YWHAZ: variants seen among roughly 807,000 people sequenced by gnomAD.
The protein encoded by YWHAZ is 14-3-3 protein zeta/delta.
For synonymous variants in YWHAZ, 87 were observed against 103.6 expected (o/e 0.84, Z 0.97); for missense variants, 79 against 284.8 (o/e 0.28, Z 5.20).
At chr8:100,949,050 A>C in intron 1 of YWHAZ, 150 bp from the exon 2 acceptor site, 1 of 1,014,464 alleles carries the variant, frequency 9.9e-7, no homozygotes, top group Non-Finnish European at 1.4e-6. Context: ...CAGCCTCACA[A>C]AAGGATAGTC....
chr8:100,934,300 T>C (rs926161636), intron 2 of YWHAZ, among the ~76,000 whole-genome samples: 15 of 146,166 alleles, frequency 1.0e-4, no homozygotes, highest in African/African-American at 3.8e-4. Context: ...CACTCCAGCA[T>C]GGGGGACAGA....
In YWHAZ at chr8:100,948,223, AAAGT is replaced by A; in HGVS notation, c.294+369_294+372del. 1 of 1,248,236 alleles carries A rather than the reference AAAGT, an allele frequency of 8.0e-7. No individual in the cohort carries two copies. Among genetic ancestry groups the A allele is most frequent in the East Asian group, 2.6e-5 (1 of 38,640 alleles). 77.3% of individuals were successfully genotyped at this position (1,248,236 alleles called of 1,614,324 possible). On this transcript the variant is annotated intron_variant, in intron 2 of 5. Transcript: ENST00000395958. The surrounding 1 kb of genome is among the most constrained non-coding windows in gnomAD (Gnocchi z 4.2). ...GTATCCTATTACATCTCTCTTACCTAAAGTATGTAAAATTCCTTTATCCACAGAT... is the reference window on the plus strand; with the variant it reads ...GTATCCTATTACATCTCTCTTACCTAATGTAAAATTCCTTTATCCACAGAT...
In YWHAZ at chr8:100,924,173, G is replaced by A. The variant is rs753712920; in HGVS notation, c.544C>T (p.Leu182=). The change falls in exon 4 of 6, where the codon CTG becomes TTG. Residue 182 remains leucine, a synonymous_variant. Coordinates refer to ENST00000395958, the MANE Select transcript of YWHAZ (RefSeq NM_145690.3). The surrounding 1 kb of genome is among the most constrained non-coding windows in gnomAD (Gnocchi z 5.7). ...LNFSVFYYEI[L]NSPEKACSLA... ...GAGCAGGCTTTCTCTGGGGAGTTCAGAATCTCATAATAGAACACAGAGAAG... is the reference window on the plus strand; with the variant it reads ...GAGCAGGCTTTCTCTGGGGAGTTCAAAATCTCATAATAGAACACAGAGAAG... The A allele has an allele frequency of 6.2e-7, 1 of 1,613,552 alleles. No homozygotes were observed. Among genetic ancestry groups the A allele is most frequent in the Non-Finnish European group, 8.5e-7 (1 of 1,179,822 alleles).
upstream of YWHAZ, chr8:100,952,839 C>T (rs1451765858): frequency 1.5e-5 from 15 of 1,000,376 alleles, no homozygotes; most frequent in African/African-American, 1.7e-5. Flanking sequence ...CTCCCGCCGC[C>T]GCGGCTTTAC....
intron 5 of YWHAZ, among the ~76,000 whole-genome samples, chr8:100,921,203 T>C (rs1248071806): frequency 1.3e-5 from 2 of 152,088 alleles, no homozygotes; most frequent in African/African-American, 4.8e-5. Flanking sequence ...CCATCTAATT[T>C]TTGTATTTTT....
intron 2 of YWHAZ, among the ~76,000 whole-genome samples, chr8:100,944,356 A>G (rs1280107872): frequency 6.6e-6 from 1 of 152,224 alleles, no homozygotes; most frequent in Non-Finnish European, 1.5e-5. Flanking sequence ...TCAGTGACCC[A>G]TAACCACAAC....
intron 1 of YWHAZ, chr8:100,951,096 CCCACCA>C (rs1810725326): frequency 1.1e-6 from 1 of 926,554 alleles, no homozygotes; most frequent in South Asian, 5.0e-5. Flanking sequence ...ATCCCCCACC[CCCACCA>C]GGAAAATTCA....
At chr8:100,946,064 T>C (rs149180488) in intron 2 of YWHAZ, among the ~76,000 whole-genome samples, 57 of 152,296 alleles carry the variant, frequency 3.7e-4, no homozygotes, top group African/African-American at 1.4e-3. Flanking sequence ...ATTAAAACTT[T>C]TTGGGAAGCC....
intron 2 of YWHAZ, among the ~76,000 whole-genome samples, chr8:100,925,828 C>CA (rs1813323817): frequency 6.6e-6 from 1 of 152,092 alleles, no homozygotes. Context: ...AAGATTAGAT[C>CA]ATTGTGTTGG....
chr8:100,927,181 A>G (rs1373086483), intron 2 of YWHAZ, among the ~76,000 whole-genome samples: 3 of 152,228 alleles, frequency 2.0e-5, no homozygotes, highest in Admixed American at 6.5e-5. Flanking sequence ...CTGGTAATTC[A>G]TAATCTAGCT....
chr8:100,922,409 CAG>C lies in YWHAZ; in HGVS notation c.678+1544_678+1545del, dbSNP rs1813088865. Reference sequence around the variant, plus strand: ...CTTTTCTTTTTTTTTTTTTTTGAGACAGAGTCTCGCTCTTTTGCCCAGGCTGG... The same window carrying C: ...CTTTTCTTTTTTTTTTTTTTTGAGACAGTCTCGCTCTTTTGCCCAGGCTGG... On this transcript the variant is annotated intron_variant, in intron 5 of 5. Coordinates refer to ENST00000395958, the MANE Select transcript of YWHAZ (RefSeq NM_145690.3). The surrounding 1 kb of genome is among the most constrained non-coding windows in gnomAD (Gnocchi z 4.1). 1 of 142,642 alleles carries C rather than the reference CAG, an allele frequency of 7.0e-6. No individual in the cohort carries two copies. Among genetic ancestry groups the C allele is most frequent in the Non-Finnish European group, 1.5e-5 (1 of 66,342 alleles). The allele number at this position is 142,642 out of a possible 1,614,324, so 8.8% of individuals were successfully genotyped here. A position where few individuals can be genotyped will look rare whatever the true frequency, so the allele number is the denominator to read the frequency against.
upstream of YWHAZ, chr8:100,952,112 GA>G (rs1810837347): frequency 7.2e-5 from 71 of 986,620 alleles, no homozygotes; most frequent in Non-Finnish European, 8.4e-5. Context: ...CCACACGCAC[GA>G]TGACGTCAAA....
rs369717844 is a variant in YWHAZ, at chr8:100,924,104, T to A, written c.582+31A>T. The A allele has an allele frequency of 4.4e-6, 7 of 1,608,276 alleles. No homozygotes were observed. Among genetic ancestry groups the A allele is most frequent in the Non-Finnish European group, 5.1e-6 (6 of 1,177,968 alleles). ...TCAGTGCTCAAATAATAAAGACTGC[T>A]AAATTTCTACGTAACAGGTAAAATA... On this transcript the variant is annotated intron_variant, in intron 4 of 5. Coordinates refer to ENST00000395958, the MANE Select transcript of YWHAZ (RefSeq NM_145690.3). The surrounding 1 kb of genome is among the most constrained non-coding windows in gnomAD (Gnocchi z 5.7).
At position 100,917,766 on chromosome 8, in the gene YWHAZ, T is replaced by C. The variant is rs916236416; in HGVS notation, c.*2927A>G. ...CCAGTACTTTACACACAAAAAGTCA[T>C]TGGATTTTCCAATTTCCTGGCACTA... On this transcript the variant is annotated 3_prime_UTR_variant, in exon 6 of 6. Coordinates refer to ENST00000395958, the MANE Select transcript of YWHAZ (RefSeq NM_145690.3). 3.9e-5 allele frequency: 6 copies of C among 152,160 alleles called. No individual in the cohort carries two copies. The highest frequency in any genetic ancestry group is 7.4e-5 in the Non-Finnish European group (5 of 68,024). The allele number at this position is 152,160 out of a possible 1,614,324, so 9.4% of individuals were successfully genotyped here.
intron 2 of YWHAZ, among the ~76,000 whole-genome samples, chr8:100,936,820 A>ACAAG (rs1706342211): frequency 6.6e-6 from 1 of 152,082 alleles, no homozygotes; most frequent in South Asian, 2.1e-4. Context: ...AAACAAACAA[A>ACAAG]CAAAAAGGAT....
intron 2 of YWHAZ, among the ~76,000 whole-genome samples, chr8:100,936,333 G>C (rs1240188442): frequency 2.0e-4 from 30 of 152,146 alleles, no homozygotes. Context: ...CCTTAAAAAA[G>C]ATTCAATGGG....
At chr8:100,936,528 C>T (rs1814158459) in intron 2 of YWHAZ, among the ~76,000 whole-genome samples, 1 of 152,096 alleles carries the variant, frequency 6.6e-6, no homozygotes, top group African/African-American at 2.4e-5. Flanking sequence ...GAAGAATCAC[C>T]AGACAGGCCG....
upstream of YWHAZ, chr8:100,953,154 A>G (rs1810921615): frequency 3.0e-6 from 3 of 985,818 alleles, no homozygotes; most frequent in Non-Finnish European, 3.6e-6. Context: ...GGCAGCCTTG[A>G]CCCGGAGACA....
intron 1 of YWHAZ, chr8:100,950,494 C>G (rs1471339746): frequency 1.0e-6 from 1 of 985,614 alleles, no homozygotes; most frequent in East Asian, 1.1e-4. Context: ...TCGCAACCAC[C>G]CCCCTCCAGG....
Sources: gnomAD v4.1 joint callset for allele counts (sites outside exome capture counted in the v4.1 genomes callset) on GRCh38, gnomAD v4.1.1 for gene constraint, Gnocchi (gnomAD v3.1) non-coding constraint, MANE v1.5 for transcripts, NCBI Gene and HGNC (gene_info 2026-07-23, HGNC 2026-07-21) for gene names.